The following ACACB variants were observed in gnomAD, a reference collection of about 807,000 sequenced individuals.
ACACB encodes the protein acetyl-CoA carboxylase 2.
In ACACB, 209 loss-of-function variants were observed where a neutral mutation model predicts 278.8. The observed-to-expected ratio is 0.75, with a 90% CI of 0.67 to 0.84. The LOEUF (loss-of-function observed/expected upper bound fraction) is 0.84, where lower values mean the gene tolerates loss of function less well. Among genes scored for constraint, ACACB ranks in the 40% least tolerant of loss-of-function variants. ACACB has a pLI of 0.00. For missense variants in ACACB, 2,850 were observed against 3,269.0 expected (o/e 0.87, Z 3.13); for synonymous variants, 1,174 against 1,285.6 (o/e 0.91, Z 1.86).
At chr12:109,203,964 T>A (rs530624556) in intron 19 of ACACB, among the ~76,000 whole-genome samples, 10 of 152,208 alleles carry the variant, frequency 6.6e-5, no homozygotes, top group Non-Finnish European at 1.2e-4. Context: ...AAAAAAAAAA[T>A]TTAAAAATAT....
intron 24 of ACACB, among the ~76,000 whole-genome samples, chr12:109,219,059 G>A (rs1166890211): frequency 2.6e-5 from 4 of 152,028 alleles, no homozygotes; most frequent in African/African-American, 4.8e-5. Context: ...GAGCCACCAC[G>A]CCCGGCCTGG....
At chr12:109,134,698 G>T (rs188412672) in intron 1 of ACACB, among the ~76,000 whole-genome samples, 1 of 152,192 alleles carries the variant, frequency 6.6e-6, no homozygotes, top group African/African-American at 2.4e-5. Context: ...GGAAGGCAAG[G>T]ACTAGGCAGA....
rs1160656072 is a variant in ACACB at position 109,139,416 on chromosome 12, T to C, written c.11T>C (p.Leu4Pro). The change falls in exon 2 of 53, where the codon CTT becomes CCT. Residue 4 changes from leucine to proline, a missense_variant. Physicochemically the swap from Leu to Pro is moderately conservative, Grantham distance 98 (BLOSUM62 -3). Transcript: ENST00000338432. MVL[L>P]LCLSCLIFSC... is the part of the protein sequence containing the mutation. ...TTACAGATTTTCTGAATGGTCTTGCTTCTTTGTCTATCTTGTCTGATTTTC... is the reference window on the plus strand; with the variant it reads ...TTACAGATTTTCTGAATGGTCTTGCCTCTTTGTCTATCTTGTCTGATTTTC... 3.1e-6 allele frequency: 5 copies of C among 1,612,498 alleles called. No homozygotes were observed. The highest frequency in any genetic ancestry group is 4.2e-6 in the Non-Finnish European group (5 of 1,179,176).
Position 109,185,845 on chromosome 12 carries a change from C to T in ACACB, c.1980+105C>T, listed in dbSNP as rs374038950. 1.2e-5 allele frequency: 14 copies of T among 1,199,112 alleles called. No homozygotes were observed. The African/African-American group carries it at 1.9e-4, about 16-fold the overall frequency. The allele number at this position is 1,199,112 out of a possible 1,614,324, so 74.3% of individuals were successfully genotyped here. The stretch of plus-strand genomic sequence containing the variant: ...AGACACCCACAAGCTATCCAGGCAT[C>T]TCAGTTTACAAATGGGGAAACTGAG... On this transcript the variant is annotated intron_variant, in intron 12 of 52. Coordinates refer to ENST00000338432, the MANE Select transcript of ACACB (RefSeq NM_001093.4).
chr12:109,175,590 A>T (rs571694877), intron 7 of ACACB, among the ~76,000 whole-genome samples: 2 of 151,774 alleles, frequency 1.3e-5, no homozygotes, highest in Non-Finnish European at 2.9e-5. Flanking sequence ...TAATTATAAA[A>T]TTTTTTTTGT....
At chr12:109,266,213 C>A (rs2047513830) in intron 52 of ACACB, 23 bp from the exon 53 acceptor site, 1 of 1,608,280 alleles carries the variant, frequency 6.2e-7, no homozygotes, top group Admixed American at 1.7e-5. Flanking sequence ...GTGATCCCAG[C>A]CCTCCTCTCA....
intron 33 of ACACB, among the ~76,000 whole-genome samples, chr12:109,236,731 T>C (rs1241484238): frequency 6.6e-6 from 1 of 151,970 alleles, no homozygotes; most frequent in East Asian, 1.9e-4. Context: ...CACATCCTTT[T>C]CTTAATGTCT....
chr12:109,203,082 G>A (rs1026617173), intron 19 of ACACB, among the ~76,000 whole-genome samples: 3 of 152,130 alleles, frequency 2.0e-5, no homozygotes, highest in African/African-American at 7.2e-5. Context: ...ACTCCTCTAG[G>A]TGCCTCATAT....
In ACACB at chr12:109,209,970, CACAT is replaced by C. The variant is rs1350954843; in HGVS notation, c.3249+621_3249+624del. On this transcript the variant is annotated intron_variant, in intron 21 of 52. Transcript: ENST00000338432. Reference sequence around the variant, plus strand: ...ACGTGTGTGTATATATGTGTATACACACATACACACACGTGTGTGTATATATGTG... The same window carrying C: ...ACGTGTGTGTATATATGTGTATACACACACACACGTGTGTGTATATATGTG... Among the ~76,000 whole-genome samples the C allele has an allele frequency of 1.1e-4, 7 of 62,732 alleles. 2 individuals carry two copies. The highest frequency in any genetic ancestry group is 9.6e-4 in the East Asian group (2 of 2,076). The allele number at this position is 62,732 out of a possible 152,430, so 41.2% of individuals were successfully genotyped here.
intron 27 of ACACB, among the ~76,000 whole-genome samples, chr12:109,227,054 A>T (rs55814526): frequency 2.0e-5 from 3 of 151,918 alleles, no homozygotes; most frequent in Non-Finnish European, 4.4e-5. Flanking sequence ...GTGCTCAAGC[A>T]ATCCTCCCAC....
chr12:109,167,046 C>T, intron 3 of ACACB, 53 bp downstream of exon 3: 1 of 1,609,654 alleles, frequency 6.2e-7, no homozygotes, highest in Non-Finnish European at 8.5e-7. Flanking sequence ...TGCAGGGGCC[C>T]CTCCTCTCAG....
At chr12:109,266,101 C>A in intron 52 of ACACB, 135 bp from the exon 53 acceptor site, 1 of 1,126,616 alleles carries the variant, frequency 8.9e-7, no homozygotes, top group South Asian at 1.6e-5. Context: ...AGGACCATCA[C>A]CCCCATGGGG....
upstream of ACACB, among the ~76,000 whole-genome samples, chr12:109,112,529 C>G (rs1287621739): frequency 2.6e-5 from 4 of 151,706 alleles, no homozygotes; most frequent in African/African-American, 9.7e-5. Flanking sequence ...ATGGAGAAAC[C>G]CTGTCTCCAC....
intron 11 of ACACB, among the ~76,000 whole-genome samples, chr12:109,181,840 C>CTTTTTTTTTTTTTTTTTTTTTT (rs34174568): frequency 8.6e-5 from 7 of 81,550 alleles, no homozygotes; most frequent in Non-Finnish European, 1.1e-4. Context: ...TTTTCCTTTC[C>CTTTTTTTTTTTTTTTTTTTTTT]TTTTTTTTTT....
At chr12:109,200,704 G>A (rs2045305128) in intron 18 of ACACB, among the ~76,000 whole-genome samples, 1 of 152,060 alleles carries the variant, frequency 6.6e-6, no homozygotes, top group Admixed American at 6.6e-5. Flanking sequence ...CTGGGCCCAG[G>A]CAGGCTAAGA....
At chr12:109,124,690 T>TTTGTTG (rs376367927) in intron 1 of ACACB, among the ~76,000 whole-genome samples, 2 of 152,124 alleles carry the variant, frequency 1.3e-5, no homozygotes, top group African/African-American at 4.8e-5. Flanking sequence ...CTTGTTGTTT[T>TTTGTTG]TTGTTGTTGT....
chr12:109,237,798 G>C (rs1015732048), intron 34 of ACACB, among the ~76,000 whole-genome samples: 3 of 152,048 alleles, frequency 2.0e-5, no homozygotes, highest in Non-Finnish European at 4.4e-5. Flanking sequence ...GATCACTTGA[G>C]GTCAGGGGTT....
chr12:109,192,430 C>G (rs1354904828), intron 15 of ACACB, among the ~76,000 whole-genome samples: 1 of 151,050 alleles, frequency 6.6e-6, no homozygotes, highest in Non-Finnish European at 1.5e-5. Flanking sequence ...GTGCTGGATG[C>G]TTTTTTTTTG....
rs1453760349 is a variant in ACACB, at chr12:109,260,676, G to T, written c.6674+19G>T. 2 of 1,517,292 alleles carry T rather than the reference G, an allele frequency of 1.3e-6. No individual in the cohort carries two copies. The highest frequency in any genetic ancestry group is 1.3e-5 in the South Asian group (1 of 74,788). The allele number at this position is 1,517,292 out of a possible 1,614,324, so 94.0% of individuals were successfully genotyped here. A position where few individuals can be genotyped will look rare whatever the true frequency, so the allele number is the denominator to read the frequency against. On this transcript the variant is annotated intron_variant, in intron 48 of 52. Transcript: ENST00000338432. The stretch of plus-strand genomic sequence containing the variant: ...AGAGCAGGTGGGTGTGTTGCCCTTA[G>T]CCTGGCTTAGCCTTTTCTTGTTCTC...
Sources: gnomAD v4.1 joint callset for allele counts (sites outside exome capture counted in the v4.1 genomes callset) on GRCh38, gnomAD v4.1.1 for gene constraint, MANE v1.5 for transcripts, NCBI Gene and HGNC (gene_info 2026-07-23, HGNC 2026-07-21) for gene names.